Variants in PROM1 observed in about 807,000 individuals in gnomAD.
PROM1 encodes prominin 1.
PROM1 carries 105 observed loss-of-function variants against 116.9 expected under a neutral mutation model. The observed-to-expected ratio is 0.90, with a 90% CI of 0.77 to 1.06. PROM1 has a LOEUF of 1.06. PROM1 is among the 50% of genes least tolerant of loss of function. PROM1 has a pLI of 0.00. For missense variants in PROM1, 1,122 were observed against 1,045.2 expected (o/e 1.07, Z -1.01); for synonymous variants, 393 against 387.0 (o/e 1.02, Z -0.18).
chr4:16,000,477 G>C lies in PROM1; in HGVS notation c.1578+19C>G. 1.3e-6 allele frequency: 2 copies of C among 1,556,570 alleles called. No individual in the cohort carries two copies. Among genetic ancestry groups the C allele is most frequent in the Non-Finnish European group, 1.8e-6 (2 of 1,136,116 alleles). ...TTTCTGTTCAAGTCCTTTCATAATG[G>C]GTAGAAAATCATATTTACCCGGAAT... On this transcript the variant is annotated intron_variant, in intron 14 of 27. Transcript: ENST00000447510.
intron 11 of PROM1, 52 bp downstream of exon 11, chr4:16,013,223 T>C: frequency 7.1e-7 from 1 of 1,412,268 alleles, no homozygotes; most frequent in Non-Finnish European, 9.9e-7. Context: ...GGCAACACAT[T>C]TCTCTGTACT....
At chr4:15,994,769 G>A (rs1256877772) in intron 15 of PROM1, among the ~76,000 whole-genome samples, 2 of 152,170 alleles carry the variant, frequency 1.3e-5, no homozygotes, top group African/African-American at 4.8e-5. Context: ...CAGGAATGTG[G>A]CATCTCTTCC....
intron 9 of PROM1, among the ~76,000 whole-genome samples, chr4:16,017,750 G>A (rs1728764835): frequency 1.3e-5 from 2 of 152,162 alleles, no homozygotes; most frequent in Non-Finnish European, 2.9e-5. Context: ...GAACACAAGA[G>A]GTTGGAGGTT....
At chr4:15,970,681 C>T (rs531681483) in intron 27 of PROM1, among the ~76,000 whole-genome samples, 41 of 152,040 alleles carry the variant, frequency 2.7e-4, no homozygotes, top group African/African-American at 8.0e-4. Context: ...GTTCCAGGAC[C>T]GCTACACACA....
In PROM1 at chr4:16,025,204, A is replaced by G; in HGVS notation, c.618T>C (p.Asn206=). 1.2e-6 allele frequency: 2 copies of G among 1,613,914 alleles called. No individual in the cohort carries two copies. Among genetic ancestry groups the G allele is most frequent in the Non-Finnish European group, 1.7e-6 (2 of 1,179,796 alleles). The change falls in exon 6 of 28, where the codon AAT becomes AAC. Residue 206 remains asparagine, a synonymous_variant. Transcript: ENST00000447510. ...TGATGGTTTTTACCTCTGGAGTTTC[A>G]TTCAAGAGAGTTCGCAAGTCCTTGA... ...SNFKDLRTLL[N]ETPEQIKYIL... is the part of the protein sequence containing the mutation.
chr4:15,985,598 G>C (rs1577841176), intron 22 of PROM1, 162 bp downstream of exon 22: 2 of 652,242 alleles, frequency 3.1e-6, no homozygotes, highest in Non-Finnish European at 5.3e-6. Flanking sequence ...CTCTGACCTG[G>C]TGGGAAGCCC....
chr4:16,032,208 A>C (rs1311598716), intron 5 of PROM1, among the ~76,000 whole-genome samples: 9 of 149,526 alleles, frequency 6.0e-5, no homozygotes, highest in African/African-American at 2.2e-4. Context: ...CTGCTTTTTC[A>C]CTTCATCTGT....
intron 20 of PROM1, 82 bp downstream of exon 20, chr4:15,987,581 C>T: frequency 1.4e-6 from 2 of 1,393,044 alleles, no homozygotes; most frequent in Non-Finnish European, 2.0e-6. Flanking sequence ...CTTAAAGTAC[C>T]TACAAAAATC....
At chr4:15,974,483 C>G (rs935275096) in intron 26 of PROM1, among the ~76,000 whole-genome samples, 22 of 152,090 alleles carry the variant, frequency 1.4e-4, no homozygotes, top group Admixed American at 1.3e-3. Context: ...CTGAGTTTGC[C>G]ACTCAGAAGC....
At chr4:16,022,123 A>C (rs375084362) in intron 8 of PROM1, among the ~76,000 whole-genome samples, 1 of 147,390 alleles carries the variant, frequency 6.8e-6, no homozygotes, top group Non-Finnish European at 1.5e-5. Flanking sequence ...AGGAGGGAAG[A>C]AGGGAAGGAG....
intron 2 of PROM1, among the ~76,000 whole-genome samples, chr4:16,073,916 T>C (rs1026444742): frequency 1.3e-5 from 2 of 152,106 alleles, no homozygotes; most frequent in African/African-American, 4.8e-5. Flanking sequence ...TCCAATCAAA[T>C]CTAAAGGGAC....
At position 16,075,683 on chromosome 4, in the gene PROM1, T is replaced by G. The variant is rs1235169566; in HGVS notation, c.220+4A>C. On this transcript the variant is annotated splice_donor_region_variant and intron_variant, in intron 2 of 27. Coordinates refer to ENST00000447510, the MANE Select transcript of PROM1 (RefSeq NM_006017.3). ...TCCTATCTTTCCCTGCCATCAGCACTTACCTTCTGGGAAATCACGCGGCTG... is the reference window on the plus strand; with the variant it reads ...TCCTATCTTTCCCTGCCATCAGCACGTACCTTCTGGGAAATCACGCGGCTG... 1 of 1,609,716 alleles carries G rather than the reference T, an allele frequency of 6.2e-7. No individual in the cohort carries two copies. The highest frequency in any genetic ancestry group is 8.5e-7 in the Non-Finnish European group (1 of 1,177,584).
At chr4:16,000,984 C>G (rs138265313) in intron 13 of PROM1, among the ~76,000 whole-genome samples, 1 of 152,116 alleles carries the variant, frequency 6.6e-6, no homozygotes, top group African/African-American at 2.4e-5. Flanking sequence ...TGAAAGCACA[C>G]GAGGAGCACA....
intron 26 of PROM1, among the ~76,000 whole-genome samples, chr4:15,976,687 G>A (rs1044256725): frequency 6.6e-6 from 1 of 152,318 alleles, no homozygotes; most frequent in East Asian, 1.9e-4. Flanking sequence ...GCATCTCAAA[G>A]GCTGTCTTGT....
chr4:15,987,615 G>T (rs1719786935), intron 20 of PROM1, 48 bp downstream of exon 20: 2 of 1,537,288 alleles, frequency 1.3e-6, no homozygotes, highest in Admixed American at 1.8e-5. Context: ...TTCTTTGTGT[G>T]GTATTTTATA....
At chr4:16,026,223 T>C (rs1685145470) in intron 5 of PROM1, among the ~76,000 whole-genome samples, 1 of 152,236 alleles carries the variant, frequency 6.6e-6, no homozygotes, top group African/African-American at 2.4e-5. Flanking sequence ...GTAATAATTT[T>C]TAAGGGCTCT....
chr4:15,973,146 A>C (rs1168107493), intron 26 of PROM1, among the ~76,000 whole-genome samples: 1 of 152,210 alleles, frequency 6.6e-6, no homozygotes, highest in Non-Finnish European at 1.5e-5. Flanking sequence ...AGGTGCAGCC[A>C]TGCGGACCCC....
intron 13 of PROM1, among the ~76,000 whole-genome samples, chr4:16,005,972 C>G (rs1725370302): frequency 6.6e-6 from 1 of 152,230 alleles, no homozygotes; most frequent in Non-Finnish European, 1.5e-5. Context: ...GAAGCAGGGA[C>G]AGTCGCTCCA....
intron 2 of PROM1, among the ~76,000 whole-genome samples, chr4:16,047,116 C>T (rs1378842705): frequency 6.6e-6 from 1 of 152,186 alleles, no homozygotes. Context: ...AGTCTTGAGG[C>T]AGGATTTCTT....
Sources: gnomAD v4.1 joint callset for allele counts (sites outside exome capture counted in the v4.1 genomes callset) on GRCh38, gnomAD v4.1.1 for gene constraint, MANE v1.5 for transcripts, NCBI Gene and HGNC (gene_info 2026-07-23, HGNC 2026-07-21) for gene names.